Variants in ASTN1 observed in about 807,000 individuals in gnomAD.
ASTN1 encodes the protein astrotactin 1, also known as astrotactin-1.
Under a neutral mutation model 140.7 loss-of-function variants are expected in ASTN1, and 41 were observed. That is an observed-to-expected ratio of 0.29 (90% CI 0.23 to 0.38). ASTN1 has a LOEUF of 0.38. Ranked by LOEUF, ASTN1 falls within the 10% of genes least tolerant of loss-of-function variation. ASTN1 has a pLI of 1.00. For synonymous variants in ASTN1, 640 were observed against 652.2 expected (o/e 0.98, Z 0.29); for missense variants, 1,479 against 1,678.8 (o/e 0.88, Z 2.08).
intron 16 of ASTN1, among the ~76,000 whole-genome samples, chr1:176,925,874 C>A (rs1246297990): frequency 6.6e-6 from 1 of 150,954 alleles, no homozygotes; most frequent in Non-Finnish European, 1.5e-5. Flanking sequence ...GGCACAATCT[C>A]GGCTCACTGT....
At chr1:177,062,895 T>C (rs1678169115) in intron 1 of ASTN1, among the ~76,000 whole-genome samples, 1 of 152,112 alleles carries the variant, frequency 6.6e-6, no homozygotes, top group Non-Finnish European at 1.5e-5. Flanking sequence ...CAACCCACCA[T>C]GAGTGAATGT....
intron 5 of ASTN1, among the ~76,000 whole-genome samples, chr1:177,027,167 A>G (rs1676159500): frequency 6.6e-6 from 1 of 152,034 alleles, no homozygotes; most frequent in African/African-American, 2.4e-5. Context: ...CCTGGTATAC[A>G]CCTACTCTTC....
chr1:177,002,631 A>C (rs1160748384), intron 8 of ASTN1, among the ~76,000 whole-genome samples: 1 of 152,220 alleles, frequency 6.6e-6, no homozygotes, highest in Non-Finnish European at 1.5e-5. Flanking sequence ...CAAGATACGC[A>C]GTGGCAAAAT....
At chr1:177,149,865 A>AATATATGT (rs1324689301) in intron 1 of ASTN1, among the ~76,000 whole-genome samples, 1 of 140,862 alleles carries the variant, frequency 7.1e-6, no homozygotes, top group Non-Finnish European at 1.5e-5. Context: ...ATACATAGTA[A>AATATATGT]ATATATATAC....
intron 2 of ASTN1, among the ~76,000 whole-genome samples, chr1:177,059,378 G>A (rs1677970401): frequency 6.6e-6 from 1 of 152,138 alleles, no homozygotes; most frequent in African/African-American, 2.4e-5. Flanking sequence ...GACACTACAA[G>A]CTACAATAAA....
chr1:177,049,244 G>A (rs1454256205), intron 2 of ASTN1, among the ~76,000 whole-genome samples: 2 of 152,166 alleles, frequency 1.3e-5, no homozygotes, highest in South Asian at 2.1e-4. Context: ...GCCCACCTAT[G>A]TGCTCCTGGT....
chr1:177,083,923 T>C (rs1679298519), intron 1 of ASTN1, among the ~76,000 whole-genome samples: 1 of 152,218 alleles, frequency 6.6e-6, no homozygotes. Flanking sequence ...CTCCAAATCC[T>C]TTTCTGCAGC....
At chr1:176,884,607 T>A in intron 18 of ASTN1, 117 bp from the exon 19 acceptor site, 1 of 1,175,448 alleles carries the variant, frequency 8.5e-7, no homozygotes, top group Non-Finnish European at 1.2e-6. Context: ...ACAAAAATGA[T>A]CTCTTTGAGG....
intron 8 of ASTN1, among the ~76,000 whole-genome samples, chr1:176,980,120 G>A (rs1673545118): frequency 6.6e-6 from 1 of 152,204 alleles, no homozygotes; most frequent in African/African-American, 2.4e-5. Context: ...AGAAGTGGCT[G>A]ACTGGGGGGC....
At chr1:177,152,954 G>A (rs1202198324) in intron 1 of ASTN1, among the ~76,000 whole-genome samples, 2 of 152,158 alleles carry the variant, frequency 1.3e-5, no homozygotes, top group African/African-American at 2.4e-5. Context: ...TATGATAAAG[G>A]TGACATCTCA....
intron 16 of ASTN1, among the ~76,000 whole-genome samples, chr1:176,917,236 A>G (rs1670525760): frequency 6.6e-6 from 1 of 152,166 alleles, no homozygotes; most frequent in Admixed American, 6.5e-5. Flanking sequence ...GAGGGCAGGC[A>G]TAGTTCTTAT....
intron 1 of ASTN1, among the ~76,000 whole-genome samples, chr1:177,125,241 G>A (rs866597598): frequency 6.6e-6 from 1 of 152,192 alleles, no homozygotes; most frequent in African/African-American, 2.4e-5. Flanking sequence ...TTGGTGCATG[G>A]ATTGGATAAA....
chr1:177,153,142 T>G (rs1683108799), intron 1 of ASTN1, among the ~76,000 whole-genome samples: 1 of 152,122 alleles, frequency 6.6e-6, no homozygotes, highest in Non-Finnish European at 1.5e-5. Context: ...GGATGCCTCA[T>G]GAATAGATTA....
At position 177,024,716 on chromosome 1, in the gene ASTN1, A is replaced by T. The variant is rs184096449; in HGVS notation, c.1137T>A (p.Ser379Arg). 6.2e-7 allele frequency: 1 copy of T among 1,613,888 alleles called. No homozygotes were observed. Among genetic ancestry groups the T allele is most frequent in the Admixed American group, 1.7e-5 (1 of 60,014 alleles). The part of the protein sequence containing the change: ...RRRSRVGSPR[S>R]PVNKTTLTLI... ...GGGTCAAGGTGGTCTTATTCACAGG[A>T]CTTCGGGGAGAACCCACTGAAAGTG... Residue 379 changes from serine to arginine, a missense_variant, in exon 6 of 23, where the codon AGT (serine) becomes AGA (arginine). Ser to Arg is a moderately radical substitution (Grantham distance 110). This residue lies in a region of ASTN1 where 729 missense variants were observed against 860.4 expected (regional missense o/e 0.85). Coordinates refer to ENST00000361833, the MANE Select transcript of ASTN1 (RefSeq NM_004319.3).
At chr1:177,057,057 T>C (rs1479284063) in intron 2 of ASTN1, among the ~76,000 whole-genome samples, 2 of 152,224 alleles carry the variant, frequency 1.3e-5, no homozygotes, top group Non-Finnish European at 2.9e-5. Context: ...TCAGCCAAGT[T>C]TGAATCATGC....
intron 5 of ASTN1, 142 bp from the exon 6 acceptor site, chr1:177,024,874 T>C: frequency 1.1e-6 from 1 of 876,304 alleles, no homozygotes; most frequent in Admixed American, 2.6e-5. Context: ...TCTGGCTGCA[T>C]GACCTCAGTG....
chr1:177,130,079 A>G (rs1306106558), intron 1 of ASTN1, among the ~76,000 whole-genome samples: 3 of 152,270 alleles, frequency 2.0e-5, no homozygotes, highest in Non-Finnish European at 4.4e-5. Context: ...ACTTGCCCCA[A>G]GTCACAGAGC....
At chr1:177,058,255 C>T (rs1429036723) in intron 2 of ASTN1, among the ~76,000 whole-genome samples, 1 of 152,112 alleles carries the variant, frequency 6.6e-6, no homozygotes. Flanking sequence ...AAGTCAAAGG[C>T]CTTCCTGATT....
intron 8 of ASTN1, among the ~76,000 whole-genome samples, chr1:177,010,011 T>A (rs1357802739): frequency 6.6e-6 from 1 of 152,226 alleles, no homozygotes; most frequent in Non-Finnish European, 1.5e-5. Context: ...CTGAAAATTG[T>A]ATCTAGAGGC....
Sources: allele counts gnomAD v4.1 joint callset (sites outside exome capture counted in the v4.1 genomes callset), GRCh38; gene constraint gnomAD v4.1.1; regional missense constraint gnomAD v4.1.1; transcripts MANE v1.5; gene names NCBI Gene and HGNC (gene_info 2026-07-23, HGNC 2026-07-21).